Variants in CEP68 observed in about 807,000 individuals in gnomAD.
CEP68 encodes the protein centrosomal protein 68.
CEP68 carries 26 observed loss-of-function variants against 55.3 expected under a neutral mutation model. The ratio of observed to expected loss-of-function variants is 0.47; its 90% CI spans 0.34 to 0.65. CEP68 has a LOEUF of 0.65. Ranked by LOEUF, CEP68 falls within the 30% of genes least tolerant of loss-of-function variation. The pLI is 0.01. For missense variants in CEP68, 957 were observed against 946.7 expected (o/e 1.01, Z -0.14); for synonymous variants, 402 against 383.2 (o/e 1.05, Z -0.57).
rs537273613 is a variant in CEP68 at position 65,086,741 on chromosome 2, A to C, written c.*3107A>C. Reference sequence around the variant, plus strand: ...TCCCCCTTTATACTGTATTAAGGCAAAAACAAAACTTCTGAAGCATTAAAG... The same window carrying C: ...TCCCCCTTTATACTGTATTAAGGCACAAACAAAACTTCTGAAGCATTAAAG... On this transcript the variant is annotated 3_prime_UTR_variant, in exon 7 of 7. Transcript: ENST00000377990. The C allele has an allele frequency of 6.5e-6, 1 of 152,736 alleles. No homozygotes were observed. The highest frequency in any genetic ancestry group is 2.1e-4 in the South Asian group (1 of 4,820). The allele number at this position is 152,736 out of a possible 1,614,324, so 9.5% of individuals were successfully genotyped here.
intron 1 of CEP68, among the ~76,000 whole-genome samples, chr2:65,059,424 G>A (rs1306325568): frequency 6.6e-6 from 1 of 152,130 alleles, no homozygotes; most frequent in Non-Finnish European, 1.5e-5. Flanking sequence ...ACTGGCACAG[G>A]AGAAATTCAG....
At chr2:65,058,100 G>A (rs540505627) in intron 1 of CEP68, among the ~76,000 whole-genome samples, 49 of 152,354 alleles carry the variant, frequency 3.2e-4, no homozygotes, top group African/African-American at 1.1e-3. Flanking sequence ...GCTGTTAGCT[G>A]TTAGCAGTCG....
chr2:65,079,579 A>AT (rs977155728), intron 5 of CEP68, among the ~76,000 whole-genome samples: 3 of 152,108 alleles, frequency 2.0e-5, no homozygotes, highest in Non-Finnish European at 4.4e-5. Flanking sequence ...GGGTTCTTAG[A>AT]TTTTTTATTG....
At chr2:65,073,249 G>A in intron 3 of CEP68, 1 of 489,944 alleles carries the variant, frequency 2.0e-6, no homozygotes, top group Non-Finnish European at 3.8e-6. Context: ...GACCCAGGTA[G>A]ACTATTTGCA....
At chr2:65,074,617 A>G in intron 4 of CEP68, 1 of 645,214 alleles carries the variant, frequency 1.5e-6, no homozygotes. Context: ...TTGAAGATAC[A>G]ATATATTTAT....
intron 1 of CEP68, among the ~76,000 whole-genome samples, chr2:65,063,008 C>T (rs1279299937): frequency 3.3e-5 from 5 of 152,176 alleles, no homozygotes; most frequent in African/African-American, 9.7e-5. Context: ...TGGGAGGAAG[C>T]CCGGCAGCTG....
intron 6 of CEP68, among the ~76,000 whole-genome samples, chr2:65,083,241 A>G (rs1668918215): frequency 6.6e-6 from 1 of 152,126 alleles, no homozygotes; most frequent in African/African-American, 2.4e-5. Context: ...CTCCCTTCCA[A>G]AAAGGCTAGG....
intron 5 of CEP68, 139 bp downstream of exon 5, chr2:65,078,103 C>T: frequency 1.7e-6 from 1 of 587,716 alleles, no homozygotes; most frequent in Non-Finnish European, 3.0e-6. Context: ...CCCCATGCCC[C>T]ATCTGCCAGC....
chr2:65,074,490 A>C, intron 4 of CEP68, 86 bp downstream of exon 4: 1 of 1,570,730 alleles, frequency 6.4e-7, no homozygotes, highest in Non-Finnish European at 8.8e-7. Context: ...CAAATAACCA[A>C]TGTCTGGTAT....
chr2:65,080,626 T>C (rs1194876956), intron 5 of CEP68: 9 of 762,440 alleles, frequency 1.2e-5, no homozygotes, highest in Non-Finnish European at 1.3e-5. Context: ...AAGACCAGCC[T>C]GGCCAACATG....
chr2:65,078,933 G>C (rs1161050303), intron 5 of CEP68, among the ~76,000 whole-genome samples: 2 of 152,216 alleles, frequency 1.3e-5, no homozygotes, highest in African/African-American at 4.8e-5. Context: ...TGGGTGCCAA[G>C]GATTTACAGT....
chr2:65,071,197 C>A, intron 2 of CEP68: 1 of 516,524 alleles, frequency 1.9e-6, no homozygotes. Context: ...TGCTCACACC[C>A]TGGATACCTG....
At chr2:65,081,606 C>T (rs535626480) in intron 5 of CEP68, among the ~76,000 whole-genome samples, 14 of 152,238 alleles carry the variant, frequency 9.2e-5, no homozygotes, top group Non-Finnish European at 2.1e-4. Context: ...GTGAGATGCA[C>T]TCTGACCCTA....
At chr2:65,082,494 G>A in intron 5 of CEP68, 42 bp from the exon 6 acceptor site, 1 of 1,474,848 alleles carries the variant, frequency 6.8e-7, no homozygotes, top group Non-Finnish European at 9.0e-7. Flanking sequence ...ACACTTGCAT[G>A]GGTTTTATTT....
At chr2:65,059,475 A>C (rs963625235) in intron 1 of CEP68, among the ~76,000 whole-genome samples, 4 of 152,200 alleles carry the variant, frequency 2.6e-5, no homozygotes, top group Non-Finnish European at 5.9e-5. Flanking sequence ...ATGAATCTCA[A>C]ATTCTTTCTA....
Position 65,071,814 on chromosome 2 carries a change from G to A in CEP68, c.718G>A (p.Val240Met), listed in dbSNP as rs373399916. ...CGTCCCCCAGGAACCTTCCTCTGTG[G>A]TGGGGCTAGGACCTCGGCCCCAGTG... is the stretch of plus-strand genomic sequence containing the variant. ...PVVPQEPSSV[V>M]GLGPRPQWSP... Residue 240 changes from valine (V) to methionine (M), a missense_variant, in exon 3 of 7, where the codon GTG (valine) becomes ATG (methionine). By Grantham distance (21) the Val-to-Met change is conservative. Transcript: ENST00000377990. 11 of 1,606,604 alleles carry A rather than the reference G, an allele frequency of 6.8e-6. No individual in the cohort carries two copies. The African/African-American group carries it at 1.3e-4, about 20-fold the overall frequency.
At chr2:65,074,238 T>C (rs1197092334) in intron 3 of CEP68, 44 bp from the exon 4 acceptor site, 1 of 1,606,612 alleles carries the variant, frequency 6.2e-7, no homozygotes, top group Non-Finnish European at 8.5e-7. Flanking sequence ...CATAAATAGC[T>C]GTTCGATCAG....
chr2:65,066,604 T>G (rs1240757416), intron 1 of CEP68, among the ~76,000 whole-genome samples: 1 of 150,948 alleles, frequency 6.6e-6, no homozygotes, highest in Non-Finnish European at 1.5e-5. Context: ...GGTGGGTGCC[T>G]GTAATCCCAG....
In CEP68 at chr2:65,074,058, G is replaced by T; in HGVS notation, c.1885-224G>T. On this transcript the variant is annotated intron_variant, in intron 3 of 6. Coordinates refer to ENST00000377990, the MANE Select transcript of CEP68 (RefSeq NM_015147.3). ...TGCTCCATTCCTACCTGCAAGGCTG[G>T]GTTTTCTCAGCCTGTCATTTTTGAT... 3 of 501,804 alleles carry T rather than the reference G, an allele frequency of 6.0e-6. No homozygotes were observed. The South Asian group carries it at 6.5e-5, about 11-fold the overall frequency. The allele number at this position is 501,804 out of a possible 1,614,324, so 31.1% of individuals were successfully genotyped here.
Sources: allele counts gnomAD v4.1 joint callset (sites outside exome capture counted in the v4.1 genomes callset), GRCh38; gene constraint gnomAD v4.1.1; transcripts MANE v1.5; gene names NCBI Gene and HGNC (gene_info 2026-07-23, HGNC 2026-07-21).